CD6: variants seen among roughly 807,000 people sequenced by gnomAD.
CD6 encodes the protein CD6 molecule.
CD6 carries 53 observed loss-of-function variants against 75.3 expected under a neutral mutation model. The ratio of observed to expected loss-of-function variants is 0.70; its 90% confidence interval spans 0.56 to 0.88. The LOEUF is 0.88. Ranked by LOEUF, CD6 falls within the 40% of genes least tolerant of loss-of-function variation. CD6 has a pLI of 0.00. For synonymous variants in CD6, 359 were observed against 381.5 expected (o/e 0.94, Z 0.69); for missense variants, 770 against 897.1 (o/e 0.86, Z 1.81).
intron 1 of CD6, among the ~76,000 whole-genome samples, chr11:60,992,363 G>A (rs1329493194): frequency 6.6e-6 from 1 of 151,386 alleles, no homozygotes. Context: ...TATGAGGTGA[G>A]GGAGGCAAGG....
At chr11:60,986,117 T>C (rs1857804726) in intron 1 of CD6, among the ~76,000 whole-genome samples, 2 of 152,162 alleles carry the variant, frequency 1.3e-5, no homozygotes, top group Admixed American at 1.3e-4. Flanking sequence ...TCGGTATCAC[T>C]CCCACCCAAT....
At chr11:60,984,316 T>C (rs897811134) in intron 1 of CD6, among the ~76,000 whole-genome samples, 1 of 152,166 alleles carries the variant, frequency 6.6e-6, no homozygotes, top group African/African-American at 2.4e-5. Context: ...GACTCGGCTC[T>C]CTTTGCTGCC....
At chr11:60,975,724 C>T (rs562211496) in intron 1 of CD6, among the ~76,000 whole-genome samples, 7 of 152,182 alleles carry the variant, frequency 4.6e-5, no homozygotes, top group Non-Finnish European at 8.8e-5. Context: ...GGTTTGAGCC[C>T]GGGAGTTTGA....
rs1857194685 is a variant in CD6 at position 60,971,852 on chromosome 11, A to G, written c.-14A>G. 3 of 1,613,390 alleles carry G rather than the reference A, an allele frequency of 1.9e-6. No homozygotes were observed. Among genetic ancestry groups the G allele is most frequent in the Admixed American group, 3.3e-5 (2 of 59,966 alleles). ...ACAGGCAGCCACGCGTAGCAGCCAG[A>G]GACAGCTCCAGACATGTGGCTCTTC... On this transcript the variant is annotated 5_prime_UTR_variant, in exon 1 of 13. Coordinates refer to ENST00000313421, the MANE Select transcript of CD6 (RefSeq NM_006725.5).
At chr11:60,979,346 TG>T (rs1419502033) in intron 1 of CD6, among the ~76,000 whole-genome samples, 1 of 152,122 alleles carries the variant, frequency 6.6e-6, no homozygotes, top group African/African-American at 2.4e-5. Context: ...CACGCCCTCA[TG>T]GGGTTTGCCT....
intron 5 of CD6, 55 bp from the exon 6 acceptor site, chr11:61,011,015 A>G (rs2135181509): frequency 6.6e-7 from 1 of 1,512,992 alleles, no homozygotes; most frequent in African/African-American, 1.4e-5. Flanking sequence ...AAGGCCTGGC[A>G]CACAGTAGGT....
In CD6 at chr11:61,013,374, G is replaced by T. The variant is rs781533832; in HGVS notation, c.1151-49G>T. The T allele has an allele frequency of 2.5e-6, 4 of 1,604,958 alleles. No individual in the cohort carries two copies. In the Admixed American group the frequency reaches 6.7e-5, roughly 27 times the overall value. ...CAGAGAATGGAAAGGCAAGAAGAAG[G>T]GTGAGTGCCCATTCCTCTTTCTTCC... is the stretch of plus-strand genomic sequence containing the variant. On this transcript the variant is annotated intron_variant, in intron 6 of 12. Coordinates refer to ENST00000313421, the MANE Select transcript of CD6 (RefSeq NM_006725.5).
intron 8 of CD6, among the ~76,000 whole-genome samples, chr11:61,014,848 C>A (rs1859329242): frequency 6.6e-6 from 1 of 152,124 alleles, no homozygotes; most frequent in African/African-American, 2.4e-5. Flanking sequence ...TATTCAATCA[C>A]CTTTATCGGA....
intron 1 of CD6, among the ~76,000 whole-genome samples, chr11:60,985,474 C>T (rs951887021): frequency 3.9e-5 from 6 of 151,912 alleles, no homozygotes; most frequent in Non-Finnish European, 4.4e-5. Context: ...TATAAGCCAC[C>T]GCACCCGGCC....
chr11:60,990,930 T>TA (rs747939249), intron 1 of CD6, among the ~76,000 whole-genome samples: 7 of 151,984 alleles, frequency 4.6e-5, no homozygotes, highest in Non-Finnish European at 8.8e-5. Context: ...ACAGTCTGTT[T>TA]ATTTCCAGCT....
chr11:61,012,483 G>C (rs1859199281), intron 6 of CD6, among the ~76,000 whole-genome samples: 1 of 152,136 alleles, frequency 6.6e-6, no homozygotes, highest in Non-Finnish European at 1.5e-5. Flanking sequence ...CAGACAGAGA[G>C]GGGAGAGGAG....
At chr11:60,988,098 G>A (rs1163646008) in intron 1 of CD6, 4 of 152,264 alleles carry the variant, frequency 2.6e-5, no homozygotes, top group Admixed American at 2.6e-4. Context: ...GATCAGATTA[G>A]AGAGACTGGA....
intron 1 of CD6, among the ~76,000 whole-genome samples, chr11:60,991,004 G>A (rs1017668385): frequency 1.1e-4 from 16 of 151,852 alleles, no homozygotes; most frequent in African/African-American, 3.9e-4. Flanking sequence ...AAGTATCCCT[G>A]CACACATCTG....
chr11:61,003,305 T>C (rs1490444022), intron 1 of CD6, among the ~76,000 whole-genome samples: 1 of 151,918 alleles, frequency 6.6e-6, no homozygotes, highest in African/African-American at 2.4e-5. Context: ...ACACAGGTCA[T>C]TGGGGGATTA....
Position 61,011,139 on chromosome 11 carries a change from A to G in CD6, c.1150+4A>G. The G allele has an allele frequency of 6.2e-7, 1 of 1,611,228 alleles. No homozygotes were observed. The highest frequency in any genetic ancestry group is 1.3e-5 in the African/African-American group (1 of 74,228). ...AGTGTTCAGACAGTCACTATAGGTA[A>G]GTGTTGCTGGGTACTACGCGGTTTC... On this transcript the variant is annotated splice_donor_region_variant and intron_variant, in intron 6 of 12. Coordinates refer to ENST00000313421, the MANE Select transcript of CD6 (RefSeq NM_006725.5).
intron 5 of CD6, 35 bp from the exon 6 acceptor site, chr11:61,011,035 C>T (rs748358126): frequency 1.2e-5 from 19 of 1,595,226 alleles, no homozygotes; most frequent in Middle Eastern, 1.7e-4. Context: ...TGCTCAGTAA[C>T]ATGCATTGAG....
chr11:61,007,738 G>A lies in CD6; in HGVS notation c.297G>A (p.Pro99=). Residue 99 remains proline, a synonymous_variant, in exon 3 of 13, where the codon CCG becomes CCA. Coordinates refer to ENST00000313421, the MANE Select transcript of CD6 (RefSeq NM_006725.5). The surrounding 1 kb of genome is among the most constrained non-coding windows in gnomAD (Gnocchi z 4.2). ...CGGAGGCCGCCTCTCAGCTCGCCCC[G>A]CCGACCCCTGAGCTGCCGCCCCCGC... The part of the protein sequence containing the change: ...GGAEAASQLA[P]PTPELPPPPA... 1 of 1,420,074 alleles carries A rather than the reference G, an allele frequency of 7.0e-7. No individual in the cohort carries two copies. Among genetic ancestry groups the A allele is most frequent in the Non-Finnish European group, 9.2e-7 (1 of 1,085,798 alleles). The allele number at this position is 1,420,074 out of a possible 1,614,324, so 88.0% of individuals were successfully genotyped here. A position where few individuals can be genotyped will look rare whatever the true frequency, so the allele number is the denominator to read the frequency against.
rs1857613499 is a variant in CD6, at chr11:60,982,569, C to T, written c.49+10655C>T. 8.8e-6 allele frequency: 4 copies of T among 455,916 alleles called. No homozygotes were observed. The Admixed American group carries it at 9.4e-5, about 11-fold the overall frequency. The allele number at this position is 455,916 out of a possible 1,614,324, so 28.2% of individuals were successfully genotyped here. On this transcript the variant is annotated intron_variant, in intron 1 of 12. Coordinates refer to ENST00000313421, the MANE Select transcript of CD6 (RefSeq NM_006725.5). ...CCAGGCCTGGAGGAGGCCCGTTCCC[C>T]ACTCCATTTGGTGTGCTCTCGTTTT...
intron 1 of CD6, among the ~76,000 whole-genome samples, chr11:60,987,236 G>A (rs1457020619): frequency 6.6e-6 from 1 of 152,210 alleles, no homozygotes; most frequent in African/African-American, 2.4e-5. Context: ...TGAGCTTCTG[G>A]TGGCTTGCTG....
Sources: allele counts gnomAD v4.1 joint callset (sites outside exome capture counted in the v4.1 genomes callset), GRCh38; gene constraint gnomAD v4.1.1; non-coding constraint Gnocchi (gnomAD v3.1); transcripts MANE v1.5; gene names NCBI Gene and HGNC (gene_info 2026-07-23, HGNC 2026-07-21).